NKAIN3: variants seen among roughly 807,000 people sequenced by gnomAD.
NKAIN3 encodes sodium/potassium-transporting ATPase subunit beta-1-interacting protein 3.
NKAIN3 carries 25 observed loss-of-function variants against 30.2 expected under a neutral mutation model. The observed-to-expected ratio is 0.83, with a 90% CI of 0.60 to 1.16. The LOEUF is 1.16. NKAIN3 is among the 50% of genes most tolerant of loss of function. The pLI is 0.00. For missense variants in NKAIN3, 225 were observed against 254.1 expected, an observed-to-expected ratio of 0.89 and a Z score of 0.78; for synonymous variants, 91 against 89.6, an observed-to-expected ratio of 1.02 and a Z score of -0.09.
intron 1 of NKAIN3, among the ~76,000 whole-genome samples, chr8:62,561,588 C>G (rs1476931379): frequency 6.6e-6 from 1 of 152,106 alleles, no homozygotes; most frequent in South Asian, 2.1e-4. Context: ...GAGGTCCTCA[C>G]GTTCGTTCCA....
At chr8:62,879,340 C>T (rs1225607756) in intron 4 of NKAIN3, among the ~76,000 whole-genome samples, 9 of 152,106 alleles carry the variant, frequency 5.9e-5, no homozygotes, top group East Asian at 1.9e-4. Context: ...ATATCCTTTG[C>T]CCAGTTTTTG....
chr8:62,526,608 T>G (rs1808311330), intron 1 of NKAIN3, among the ~76,000 whole-genome samples: 2 of 152,138 alleles, frequency 1.3e-5, no homozygotes. Flanking sequence ...TTATTTAGCA[T>G]CAGAAGAAAG....
intron 4 of NKAIN3, among the ~76,000 whole-genome samples, chr8:62,916,229 A>C (rs1381087072): frequency 2.6e-5 from 4 of 152,240 alleles, no homozygotes; most frequent in Non-Finnish European, 4.4e-5. Context: ...ATTTTTCACA[A>C]TATTATTTAT....
At chr8:62,470,471 A>G (rs4260885) in intron 1 of NKAIN3, among the ~76,000 whole-genome samples, 28,013 of 152,040 alleles carry the variant, frequency 0.18, 2,696 homozygotes, top group African/African-American at 0.22. Context: ...AGGGGCTGAA[A>G]GAGTTTGTGG....
chr8:62,952,411 A>G (rs527585590), intron 5 of NKAIN3, among the ~76,000 whole-genome samples: 1 of 152,308 alleles, frequency 6.6e-6, no homozygotes, highest in African/African-American at 2.4e-5. Context: ...CAAAATCTAT[A>G]TATTTAGAGT....
chr8:62,681,222 T>G (rs551837616), intron 3 of NKAIN3, among the ~76,000 whole-genome samples: 1 of 152,306 alleles, frequency 6.6e-6, no homozygotes, highest in East Asian at 1.9e-4. Context: ...CTTTAGAAAT[T>G]GTGTTTGTAA....
At chr8:62,378,804 C>T (rs1353157614) in intron 1 of NKAIN3, among the ~76,000 whole-genome samples, 3 of 152,312 alleles carry the variant, frequency 2.0e-5, no homozygotes, top group Middle Eastern at 6.8e-3. Flanking sequence ...AGAACCTCTG[C>T]TAGTGCCATG....
intron 1 of NKAIN3, among the ~76,000 whole-genome samples, chr8:62,524,295 A>C (rs1808237806): frequency 6.6e-6 from 1 of 152,188 alleles, no homozygotes; most frequent in Admixed American, 6.5e-5. Context: ...ATTGTTTTTA[A>C]GAATAACAAA....
chr8:62,696,242 A>G (rs1200113680), intron 3 of NKAIN3, among the ~76,000 whole-genome samples: 1 of 152,130 alleles, frequency 6.6e-6, no homozygotes, highest in Non-Finnish European at 1.5e-5. Flanking sequence ...TATTGTCAGA[A>G]TTTTTTCCTT....
chr8:62,703,537 T>C (rs1814413946), intron 3 of NKAIN3, among the ~76,000 whole-genome samples: 1 of 152,210 alleles, frequency 6.6e-6, no homozygotes, highest in Admixed American at 6.5e-5. Context: ...TAATTGCCAG[T>C]TTCATTTCTT....
chr8:62,989,675 G>A (rs138401765), downstream of NKAIN3, among the ~76,000 whole-genome samples: 26 of 152,028 alleles, frequency 1.7e-4, no homozygotes, highest in Admixed American at 1.4e-3. Flanking sequence ...TCCAACAGAG[G>A]GAGACTCTGT....
At chr8:62,712,631 C>T (rs1586117897) in intron 3 of NKAIN3, among the ~76,000 whole-genome samples, 4 of 152,194 alleles carry the variant, frequency 2.6e-5, no homozygotes, top group Admixed American at 2.6e-4. Flanking sequence ...AGGCAGAGGG[C>T]TTGAAAACTT....
intron 1 of NKAIN3, among the ~76,000 whole-genome samples, chr8:62,456,533 AT>A (rs1213264313): frequency 2.7e-5 from 4 of 150,042 alleles, no homozygotes; most frequent in Admixed American, 1.3e-4. Context: ...AAAAAAAAAA[AT>A]AAAAATAAGG....
At chr8:62,746,892 C>CCCT in intron 3 of NKAIN3, 40 bp from the exon 4 acceptor site, 1 of 1,444,220 alleles carries the variant, frequency 6.9e-7, no homozygotes, top group East Asian at 2.3e-5. Context: ...TGATGTAATA[C>CCCT]AATTTCCTCA....
chr8:62,992,872 G>C (rs1278815321), intron 5 of NKAIN3, among the ~76,000 whole-genome samples: 1 of 152,030 alleles, frequency 6.6e-6, no homozygotes, highest in Non-Finnish European at 1.5e-5. Context: ...ACTTGCCTTC[G>C]TGCATAAGAG....
chr8:62,628,778 C>T (rs1811863390), intron 3 of NKAIN3, among the ~76,000 whole-genome samples: 2 of 152,084 alleles, frequency 1.3e-5, no homozygotes, highest in African/African-American at 4.8e-5. Context: ...TGGTTTTAGA[C>T]AACATCCTAT....
At chr8:62,249,444 C>G (rs959161779) in intron 1 of NKAIN3, among the ~76,000 whole-genome samples, 1 of 152,254 alleles carries the variant, frequency 6.6e-6, no homozygotes, top group East Asian at 1.9e-4. Context: ...TTTCCCGCCC[C>G]TTGATCCGAT....
chr8:62,856,748 T>A, intron 4 of NKAIN3: 1 of 681,844 alleles, frequency 1.5e-6, no homozygotes. Flanking sequence ...GCTCTAGAAT[T>A]TATTTTGCAC....
At chr8:62,607,543 G>A (rs971458190) in intron 3 of NKAIN3, among the ~76,000 whole-genome samples, 2 of 152,044 alleles carry the variant, frequency 1.3e-5, no homozygotes, top group African/African-American at 4.8e-5. Flanking sequence ...GCAATCCTGA[G>A]GGTTATAATC....
Sources: allele counts gnomAD v4.1 joint callset (sites outside exome capture counted in the v4.1 genomes callset), GRCh38; gene constraint gnomAD v4.1.1; transcripts MANE v1.5; gene names NCBI Gene and HGNC (gene_info 2026-07-23, HGNC 2026-07-21).